TRRAP: variants seen among roughly 807,000 people sequenced by gnomAD.
TRRAP encodes transformation/transcription domain associated protein, also known as transformation/transcription domain-associated protein.
Under a neutral mutation model 438.8 loss-of-function variants are expected in TRRAP, and 41 were observed. That is an observed-to-expected ratio of 0.09 (90% CI 0.07 to 0.12). The LOEUF (loss-of-function observed/expected upper bound fraction) is 0.12. Among genes scored for constraint, TRRAP ranks in the 10% least tolerant of loss-of-function variants. The pLI is 1.00. For synonymous variants in TRRAP, 1,994 were observed against 1,962.9 expected (o/e 1.02, Z -0.42); for missense variants, 3,122 against 5,055.1 (o/e 0.62, Z 11.60).
intron 14 of TRRAP, among the ~76,000 whole-genome samples, chr7:98,909,297 T>G (rs1796947268): frequency 1.3e-5 from 2 of 152,226 alleles, no homozygotes; most frequent in South Asian, 4.1e-4. Context: ...GTGCTGGGAT[T>G]ACAGGCGTGA....
chr7:98,956,537 A>C lies in TRRAP; in HGVS notation c.6231+4A>C, dbSNP rs1554419862. Reference sequence around the variant, plus strand: ...GGCCACCGGAGCCATCAGTGCAGTAAGATCATGTGCCTCTGTATGGGTGCT... The same window carrying C: ...GGCCACCGGAGCCATCAGTGCAGTACGATCATGTGCCTCTGTATGGGTGCT... On this transcript the variant is annotated splice_donor_region_variant and intron_variant, in intron 43 of 72. Transcript: ENST00000456197. The surrounding 1 kb of genome is among the most constrained non-coding windows in gnomAD (Gnocchi z 4.5). 6.2e-7 allele frequency: 1 copy of C among 1,612,262 alleles called. No individual in the cohort carries two copies. The highest frequency in any genetic ancestry group is 1.7e-5 in the Admixed American group (1 of 59,484).
chr7:99,004,448 CCACGGCGCCCATGGA>C, intron 68 of TRRAP, 33 bp downstream of exon 68: 1 of 1,590,102 alleles, frequency 6.3e-7, no homozygotes, highest in Non-Finnish European at 8.6e-7. Flanking sequence ...TGGAACTAAC[CCACGGCGCCCATGGA>C]CATGGAGCCC....
Position 98,910,177 on chromosome 7 carries a change from C to T in TRRAP, c.1472C>T (p.Pro491Leu), listed in dbSNP as rs1554408406. 6.2e-7 allele frequency: 1 copy of T among 1,610,956 alleles called. No homozygotes were observed. Among genetic ancestry groups the T allele is most frequent in the Admixed American group, 1.7e-5 (1 of 59,932 alleles). ...GCTCTGCCTGGGGTGCCCACTGCCCCTGCAGCTCCTGGCCCTGCTCCCTCC... is the reference window on the plus strand; with the variant it reads ...GCTCTGCCTGGGGTGCCCACTGCCCTTGCAGCTCCTGGCCCTGCTCCCTCC... ...EAALPGVPTA[P>L]AAPGPAPSPA... Residue 491 changes from proline (P) to leucine (L), a missense_variant, in exon 15 of 73, where the codon CCT (proline) becomes CTT (leucine). Physicochemically the swap from Pro to Leu is moderately conservative, Grantham distance 98. Coordinates refer to ENST00000456197, the MANE Select transcript of TRRAP (RefSeq NM_001375524.1).
chr7:98,980,206 T>G (rs902235180), intron 58 of TRRAP, among the ~76,000 whole-genome samples: 9 of 152,200 alleles, frequency 5.9e-5, no homozygotes, highest in Non-Finnish European at 1.0e-4. Flanking sequence ...GTCATATAAT[T>G]GTGGGGTGGT....
intron 39 of TRRAP, 24 bp downstream of exon 39, chr7:98,951,028 GT>G (rs1562956519): frequency 6.4e-7 from 1 of 1,559,318 alleles, no homozygotes; most frequent in African/African-American, 1.4e-5. Context: ...GTGTGTGGGT[GT>G]GAGAAGTAGC....
At chr7:98,904,860 CTG>C (rs1451029945) in intron 12 of TRRAP, among the ~76,000 whole-genome samples, 2 of 152,202 alleles carry the variant, frequency 1.3e-5, no homozygotes, top group African/African-American at 4.8e-5. Context: ...TAAATGTTAA[CTG>C]TGTGTTACAG....
rs535032111 is a variant in TRRAP, at chr7:98,961,493, C to T, written c.6703+19C>T. 2.2e-5 allele frequency: 35 copies of T among 1,609,570 alleles called. No individual in the cohort carries two copies. The highest frequency in any genetic ancestry group is 5.5e-5 in the South Asian group (5 of 91,054). On this transcript the variant is annotated intron_variant, in intron 46 of 72. Coordinates refer to ENST00000456197, the MANE Select transcript of TRRAP (RefSeq NM_001375524.1). ...GAGCCGAGTATGTGACCTTTCCCAC[C>T]GGTGCTTTTCTTTCAAAGTGGACGG...
chr7:99,010,962 A>C, intron 70 of TRRAP, 90 bp from the exon 71 acceptor site: 9 of 1,289,620 alleles, frequency 7.0e-6, no homozygotes, highest in Non-Finnish European at 9.8e-6. Flanking sequence ...TCTTGGTGCT[A>C]AGTTAAAGAG....
At chr7:98,983,502 C>T (rs1289342377) in intron 60 of TRRAP, 43 bp downstream of exon 60, 1 of 1,608,550 alleles carries the variant, frequency 6.2e-7, no homozygotes, top group Non-Finnish European at 8.5e-7. Context: ...TGTAATTTTC[C>T]AGACGCCCCA....
At chr7:98,920,209 G>A (rs532941952) in intron 20 of TRRAP, among the ~76,000 whole-genome samples, 3 of 152,252 alleles carry the variant, frequency 2.0e-5, no homozygotes, top group South Asian at 2.1e-4. Flanking sequence ...GGTGGCTCAC[G>A]CCTGTAATCC....
At chr7:98,949,382 G>T (rs1791228263) in intron 35 of TRRAP, 35 bp from the exon 36 acceptor site, 2 of 1,483,088 alleles carry the variant, frequency 1.3e-6, no homozygotes, top group Admixed American at 2.5e-5. Flanking sequence ...AGTTTGATTA[G>T]CTTAAAACGG....
rs566078781 is a variant in TRRAP, at chr7:99,012,619, C to G, written c.*264C>G. The G allele has an allele frequency of 8.2e-6, 4 of 487,408 alleles. No individual in the cohort carries two copies. The South Asian group carries it at 1.2e-4, about 15-fold the overall frequency. The allele number at this position is 487,408 out of a possible 1,614,324, so 30.2% of individuals were successfully genotyped here. On this transcript the variant is annotated 3_prime_UTR_variant, in exon 73 of 73. Transcript: ENST00000456197. This position sits in a 1 kb window ranked among gnomAD's most constrained non-coding sequence, Gnocchi z 5.9. Reference sequence around the variant, plus strand: ...GCTTTCAAAATAATCTTTTAAGAAGCCAGGATTCTCCGGTCTGGAATTTCT... The same window carrying G: ...GCTTTCAAAATAATCTTTTAAGAAGGCAGGATTCTCCGGTCTGGAATTTCT...
At chr7:98,978,661 G>A (rs1584386230) in intron 57 of TRRAP, 108 bp from the exon 58 acceptor site, 2 of 1,468,798 alleles carry the variant, frequency 1.4e-6, no homozygotes, top group Non-Finnish European at 1.9e-6. Context: ...TTACTGTGTT[G>A]TTCTTCTGTA....
Position 99,008,433 on chromosome 7 carries a change from T to C in TRRAP, c.10810T>C (p.Ser3604Pro). 6.2e-7 allele frequency: 1 copy of C among 1,613,694 alleles called. No homozygotes were observed. Among genetic ancestry groups the C allele is most frequent in the Non-Finnish European group, 8.5e-7 (1 of 1,179,880 alleles). ...GCGCCTCGTGGAGGACAACCCCTCT[T>C]CACTTTCCCTTGTGGAGATCTACAA... ...QMRLVEDNPS[S>P]LSLVEIYKQR... Residue 3604 changes from serine (S) to proline (P), a missense_variant, in exon 70 of 73, where the codon TCA becomes CCA. Ser to Pro is a moderately conservative substitution (Grantham distance 74, BLOSUM62 -1). Coordinates refer to ENST00000456197, the MANE Select transcript of TRRAP (RefSeq NM_001375524.1).
chr7:98,970,244 G>A lies in TRRAP; in HGVS notation c.7645G>A (p.Val2549Ile). Residue 2549 changes from valine (V) to isoleucine (I), a missense_variant, in exon 52 of 73, where the codon GTC becomes ATC. By Grantham distance (29) the Val-to-Ile change is conservative (BLOSUM62 3). Transcript: ENST00000456197. ...TGCCGCCTTCGCCATGGTCACACAT[G>A]TCAAGCAGGAGCCCCGGGAGCGGGA... ...DRAAFAMVTHVKQEPRERENS... is the reference protein window; with the variant it reads ...DRAAFAMVTHIKQEPRERENS... 3 of 1,613,598 alleles carry A rather than the reference G, an allele frequency of 1.9e-6. No individual in the cohort carries two copies. The highest frequency in any genetic ancestry group is 2.5e-6 in the Non-Finnish European group (3 of 1,180,014).
chr7:98,978,217 G>C lies in TRRAP; in HGVS notation c.8392G>C (p.Glu2798Gln). The stretch of plus-strand genomic sequence containing the variant: ...AAACATTAACTTTTTTTAGGCACAA[G>C]AATCCTATGAAAAGGCAATGGATAA... ...EQHGFFEQAQ[E>Q]SYEKAMDKAK... is the part of the protein sequence containing the mutation. The change falls in exon 57 of 73, where the codon GAA becomes CAA. Residue 2798 changes from glutamate (E) to glutamine (Q), a missense_variant. This residue lies in a region of TRRAP where 992 missense variants were observed against 1,281.2 expected (regional missense o/e 0.77). Coordinates refer to ENST00000456197, the MANE Select transcript of TRRAP (RefSeq NM_001375524.1). 3 of 1,612,698 alleles carry C rather than the reference G, an allele frequency of 1.9e-6. No individual in the cohort carries two copies. Among genetic ancestry groups the C allele is most frequent in the Non-Finnish European group, 8.5e-7 (1 of 1,179,502 alleles).
rs199763090 is a variant in TRRAP, at chr7:98,961,325, T to A, written c.6554T>A (p.Leu2185Gln). 6.2e-7 allele frequency: 1 copy of A among 1,614,238 alleles called. No individual in the cohort carries two copies. The highest frequency in any genetic ancestry group is 8.5e-7 in the Non-Finnish European group (1 of 1,180,050). Residue 2185 changes from leucine (L) to glutamine (Q), a missense_variant, in exon 46 of 73, where the codon CTA (leucine) becomes CAA (glutamine). Physicochemically the swap from Leu to Gln is moderately radical, Grantham distance 113 (BLOSUM62 -2). Around this residue, in one of 24 missense-constraint regions of TRRAP, gnomAD observed 992 missense variants for 1,281.2 expected, o/e 0.77. Coordinates refer to ENST00000456197, the MANE Select transcript of TRRAP (RefSeq NM_001375524.1). ...GGCCTAGAAGTGCTGAGCTTCCTGC[T>A]AACTGTCCTCCAGTCCCCAGCCATC... Reference protein sequence around the residue: ...CTGLEVLSFLLTVLQSPAILS... With the variant: ...CTGLEVLSFLQTVLQSPAILS...
chr7:98,923,911 C>T (rs1053287605), intron 21 of TRRAP, among the ~76,000 whole-genome samples: 12 of 152,176 alleles, frequency 7.9e-5, no homozygotes, highest in Non-Finnish European at 1.3e-4. Context: ...GTTGTGTCTT[C>T]GCCACTATCT....
Position 98,956,555 on chromosome 7 carries a change from T to C in TRRAP, c.6231+22T>C, listed in dbSNP as rs782518157. On this transcript the variant is annotated intron_variant, in intron 43 of 72. Transcript: ENST00000456197. The surrounding 1 kb of genome is among the most constrained non-coding windows in gnomAD (Gnocchi z 4.5). ...TGCAGTAAGATCATGTGCCTCTGTA[T>C]GGGTGCTGCGCATTCTGCTGGGAGT... 6.2e-7 allele frequency: 1 copy of C among 1,607,940 alleles called. No homozygotes were observed. Among genetic ancestry groups the C allele is most frequent in the South Asian group, 1.1e-5 (1 of 89,882 alleles).
Sources: allele counts gnomAD v4.1 joint callset (sites outside exome capture counted in the v4.1 genomes callset), GRCh38; gene constraint gnomAD v4.1.1; regional missense constraint gnomAD v4.1.1; non-coding constraint Gnocchi (gnomAD v3.1); transcripts MANE v1.5; gene names NCBI Gene and HGNC (gene_info 2026-07-23, HGNC 2026-07-21).